Variants in LRRTM4 observed in about 807,000 individuals in gnomAD.
LRRTM4 encodes the protein leucine-rich repeat transmembrane neuronal protein 4.
LRRTM4 carries 25 observed loss-of-function variants against 47.6 expected under a neutral mutation model. That is an observed-to-expected ratio of 0.53 (90% confidence interval 0.38 to 0.73). The LOEUF (loss-of-function observed/expected upper bound fraction) is 0.73. Ranked by LOEUF, LRRTM4 falls within the 30% of genes least tolerant of loss-of-function variation. The pLI is 0.00. For synonymous variants in LRRTM4, 311 were observed against 269.5 expected (o/e 1.15, Z -1.51); for missense variants, 638 against 713.4 (o/e 0.89, Z 1.20).
chr2:76,921,064 A>G (rs1054470476), intron 3 of LRRTM4, among the ~76,000 whole-genome samples: 1 of 151,950 alleles, frequency 6.6e-6, no homozygotes, highest in Non-Finnish European at 1.5e-5. Flanking sequence ...TTAACTTTAC[A>G]CTTTATTCAT....
chr2:77,373,354 A>G (rs1672721471), intron 3 of LRRTM4, among the ~76,000 whole-genome samples: 1 of 151,548 alleles, frequency 6.6e-6, no homozygotes, highest in Non-Finnish European at 1.5e-5. Flanking sequence ...GTTCACTTGC[A>G]AAAACAATAC....
intron 3 of LRRTM4, among the ~76,000 whole-genome samples, chr2:76,872,180 G>A (rs574927200): frequency 9.9e-5 from 15 of 152,130 alleles, no homozygotes; most frequent in South Asian, 4.2e-4. Flanking sequence ...TTTAAAAGAC[G>A]TAAATCAAGC....
At chr2:77,161,933 G>C (rs919058180) in intron 3 of LRRTM4, among the ~76,000 whole-genome samples, 1 of 152,146 alleles carries the variant, frequency 6.6e-6, no homozygotes, top group African/African-American at 2.4e-5. Flanking sequence ...AATAGGAATA[G>C]CTCCAGTCTA....
At chr2:77,018,292 T>G (rs1230223634) in intron 3 of LRRTM4, among the ~76,000 whole-genome samples, 8 of 148,698 alleles carry the variant, frequency 5.4e-5, no homozygotes, top group Non-Finnish European at 1.0e-4. Flanking sequence ...TTGTTCTTTA[T>G]CTGACTGTGA....
intron 3 of LRRTM4, among the ~76,000 whole-genome samples, chr2:76,961,635 G>A (rs1265782514): frequency 6.6e-6 from 1 of 151,308 alleles, no homozygotes; most frequent in Non-Finnish European, 1.5e-5. Flanking sequence ...AAAGGCGTTA[G>A]ATTCCCAGGG....
chr2:76,823,392 T>G (rs1030319392), intron 3 of LRRTM4, among the ~76,000 whole-genome samples: 1 of 151,492 alleles, frequency 6.6e-6, no homozygotes, highest in Non-Finnish European at 1.5e-5. Flanking sequence ...CAAACCTTTG[T>G]TACTCATTAT....
At chr2:76,903,045 G>C (rs1673696274) in intron 3 of LRRTM4, among the ~76,000 whole-genome samples, 1 of 151,994 alleles carries the variant, frequency 6.6e-6, no homozygotes, top group Non-Finnish European at 1.5e-5. Flanking sequence ...ATGTTGAACT[G>C]TTTCACTTAT....
intron 3 of LRRTM4, among the ~76,000 whole-genome samples, chr2:76,945,715 T>C (rs1047584578): frequency 6.6e-6 from 1 of 150,782 alleles, no homozygotes; most frequent in Non-Finnish European, 1.5e-5. Context: ...GGAGTAAAAA[T>C]ATGAAATATG....
Position 77,519,894 on chromosome 2 carries a change from A to AT in LRRTM4, c.5-31dup, listed in dbSNP as rs1370164694. 1 of 1,522,388 alleles carries AT rather than the reference A, an allele frequency of 6.6e-7. No individual in the cohort carries two copies. Among genetic ancestry groups the AT allele is most frequent in the Non-Finnish European group, 8.8e-7 (1 of 1,134,376 alleles). The allele number at this position is 1,522,388 out of a possible 1,614,324, so 94.3% of individuals were successfully genotyped here. ...GATATTAAAAAAAAGACAGATGCAC[A>AT]TTGTGAAGCTATTAAAATAAATCAC... On this transcript the variant is annotated intron_variant, in intron 2 of 3. Transcript: ENST00000409884. This position sits in a 1 kb window ranked among gnomAD's most constrained non-coding sequence, Gnocchi z 4.6.
chr2:77,268,524 A>C (rs1219207469), intron 3 of LRRTM4, among the ~76,000 whole-genome samples: 1 of 152,018 alleles, frequency 6.6e-6, no homozygotes, highest in East Asian at 1.9e-4. Flanking sequence ...CTTTTCCACC[A>C]TGCATTCTTG....
intron 3 of LRRTM4, among the ~76,000 whole-genome samples, chr2:77,058,306 C>G (rs1679673084): frequency 6.6e-6 from 1 of 152,004 alleles, no homozygotes; most frequent in Non-Finnish European, 1.5e-5. Context: ...TAAAAGGAAC[C>G]AGAACCAGCC....
chr2:77,092,868 A>G (rs151152305), intron 3 of LRRTM4, among the ~76,000 whole-genome samples: 18,149 of 134,010 alleles, frequency 0.14, 2,034 homozygotes, highest in East Asian at 0.34. Context: ...ACGATCCTCC[A>G]TCTTCAAGAA....
At chr2:77,319,153 G>A (rs1030975802) in intron 3 of LRRTM4, among the ~76,000 whole-genome samples, 2 of 152,122 alleles carry the variant, frequency 1.3e-5, no homozygotes, top group Admixed American at 1.3e-4. Context: ...GGGAGGTTGA[G>A]GCAGGCGGAT....
At chr2:77,427,002 C>T (rs1326551808) in intron 3 of LRRTM4, among the ~76,000 whole-genome samples, 12 of 141,816 alleles carry the variant, frequency 8.5e-5, no homozygotes, top group East Asian at 4.1e-4. Context: ...TTTTTTCTGA[C>T]GGAGTCTTGC....
At chr2:76,775,633 G>C (rs1189086033) in intron 3 of LRRTM4, among the ~76,000 whole-genome samples, 3 of 152,166 alleles carry the variant, frequency 2.0e-5, no homozygotes, top group Non-Finnish European at 4.4e-5. Flanking sequence ...AGGCTCAGGA[G>C]TTAGCAGCTT....
intron 3 of LRRTM4, among the ~76,000 whole-genome samples, chr2:76,998,682 C>CA (rs1179859029): frequency 7.3e-5 from 11 of 150,792 alleles, no homozygotes; most frequent in South Asian, 4.2e-4. Context: ...AAAAAAAACC[C>CA]AAAAAAACAA....
At chr2:77,147,767 G>T (rs1672298785) in intron 3 of LRRTM4, among the ~76,000 whole-genome samples, 2 of 152,246 alleles carry the variant, frequency 1.3e-5, no homozygotes, top group East Asian at 1.9e-4. Flanking sequence ...TAAATAAAAA[G>T]ATCATTGATA....
chr2:77,236,512 A>C (rs888184601), intron 3 of LRRTM4, among the ~76,000 whole-genome samples: 1 of 146,868 alleles, frequency 6.8e-6, no homozygotes, highest in Non-Finnish European at 1.5e-5. Context: ...GATGCCTTTT[A>C]TTTCTTTCTC....
chr2:77,046,441 T>TA (rs1558547673), intron 3 of LRRTM4, among the ~76,000 whole-genome samples: 1 of 152,020 alleles, frequency 6.6e-6, no homozygotes, highest in African/African-American at 2.4e-5. Context: ...CACTATGCTC[T>TA]ATCACTCCAC....
Sources: gnomAD v4.1 joint callset for allele counts (sites outside exome capture counted in the v4.1 genomes callset) on GRCh38, gnomAD v4.1.1 for gene constraint, Gnocchi (gnomAD v3.1) non-coding constraint, MANE v1.5 for transcripts, NCBI Gene and HGNC (gene_info 2026-07-23, HGNC 2026-07-21) for gene names.